GPAT4: variants seen among roughly 807,000 people sequenced by gnomAD.
GPAT4 encodes the protein 1-AGP acyltransferase 6.
GPAT4 carries 17 observed loss-of-function variants against 58.0 expected under a neutral mutation model. The observed-to-expected ratio is 0.29, with a 90% CI of 0.20 to 0.44. The LOEUF (loss-of-function observed/expected upper bound fraction) is 0.44, where lower values mean the gene tolerates loss of function less well. Ranked by LOEUF, GPAT4 falls within the 20% of genes least tolerant of loss-of-function variation. The pLI is 1.00. For synonymous variants in GPAT4, 204 were observed against 210.1 expected (o/e 0.97, Z 0.25); for missense variants, 377 against 574.5 (o/e 0.66, Z 3.51).
intron 2 of GPAT4, among the ~76,000 whole-genome samples, chr8:41,607,614 C>A (rs1490085674): frequency 4.0e-5 from 6 of 151,578 alleles, no homozygotes; most frequent in Non-Finnish European, 7.4e-5. Flanking sequence ...TCTCCGCTCA[C>A]TGCAGCCTCA....
intron 2 of GPAT4, 38 bp from the exon 3 acceptor site, chr8:41,609,378 C>T (rs1325464718): frequency 5.6e-6 from 9 of 1,594,410 alleles, no homozygotes; most frequent in South Asian, 1.1e-5. Context: ...AAACAGGTCT[C>T]ATTCTTGCTC....
intron 2 of GPAT4, among the ~76,000 whole-genome samples, chr8:41,600,204 A>T (rs1313771482): frequency 6.6e-6 from 1 of 150,672 alleles, no homozygotes; most frequent in African/African-American, 2.4e-5. Flanking sequence ...ACACCCGGCT[A>T]TTTTTTCGTA....
chr8:41,596,833 C>G (rs1802947110), intron 1 of GPAT4, among the ~76,000 whole-genome samples: 1 of 152,222 alleles, frequency 6.6e-6, no homozygotes, highest in Admixed American at 6.5e-5. Context: ...CTTTATTCAG[C>G]TGGGAGCATC....
At chr8:41,590,679 T>C (rs755377485) in intron 1 of GPAT4, among the ~76,000 whole-genome samples, 1 of 152,052 alleles carries the variant, frequency 6.6e-6, no homozygotes, top group Non-Finnish European at 1.5e-5. Context: ...AGTGACAGTG[T>C]GAAAGTGGAA....
chr8:41,602,823 C>G (rs1213324579), intron 2 of GPAT4, among the ~76,000 whole-genome samples: 2 of 152,164 alleles, frequency 1.3e-5, no homozygotes, highest in Non-Finnish European at 2.9e-5. Flanking sequence ...GTCCAGGCAC[C>G]AGCAGATTCA....
chr8:41,609,593 C>G, intron 3 of GPAT4, 62 bp from the exon 4 acceptor site: 1 of 1,602,758 alleles, frequency 6.2e-7, no homozygotes, highest in East Asian at 2.2e-5. Flanking sequence ...GATGTGTGCT[C>G]TGAGTATGTC....
At chr8:41,612,817 T>C in intron 7 of GPAT4, 28 bp from the exon 8 acceptor site, 1 of 1,597,748 alleles carries the variant, frequency 6.3e-7, no homozygotes, top group East Asian at 2.2e-5. Context: ...ATGGCTTCAC[T>C]ACTAATGAGT....
rs541700401 is a variant in GPAT4 at position 41,593,018 on chromosome 8, C to A, written c.-848-5274C>A. Among the ~76,000 whole-genome samples, 101 of 152,250 alleles carry A rather than the reference C, an allele frequency of 6.6e-4. 1 individual carries two copies. The highest frequency in any genetic ancestry group is 2.3e-3 in the African/African-American group (97 of 41,542). On this transcript the variant is annotated intron_variant, in intron 1 of 12. Coordinates refer to ENST00000396987, the MANE Select transcript of GPAT4 (RefSeq NM_178819.4). ...TATCCACATTCATTTCCACACAGTCCTAATTCATAACAAATATACTTACTT... is the reference window on the plus strand; with the variant it reads ...TATCCACATTCATTTCCACACAGTCATAATTCATAACAAATATACTTACTT...
At chr8:41,591,096 G>A (rs1802776836) in intron 1 of GPAT4, among the ~76,000 whole-genome samples, 1 of 152,088 alleles carries the variant, frequency 6.6e-6, no homozygotes. Flanking sequence ...AACTCTAAGG[G>A]GTTCCACGTG....
At chr8:41,603,251 G>A (rs977200867) in intron 2 of GPAT4, among the ~76,000 whole-genome samples, 8 of 152,158 alleles carry the variant, frequency 5.3e-5, no homozygotes, top group African/African-American at 1.7e-4. Context: ...CTGGGGCTGG[G>A]CGCAGTGGCT....
At chr8:41,582,948 C>T (rs36094256) in intron 1 of GPAT4, among the ~76,000 whole-genome samples, 67,474 of 151,800 alleles carry the variant, frequency 0.44, 15,185 homozygotes, top group Middle Eastern at 0.53. Context: ...ATTGGCCTGA[C>T]GTGGTGGCTC....
Position 41,621,210 on chromosome 8 carries a change from TG to T in GPAT4, c.*212del. 1.5e-6 allele frequency: 1 copy of T among 653,466 alleles called. No homozygotes were observed. Among genetic ancestry groups the T allele is most frequent in the Non-Finnish European group, 2.6e-6 (1 of 390,228 alleles). The allele number at this position is 653,466 out of a possible 1,614,324, so 40.5% of individuals were successfully genotyped here. A position where few individuals can be genotyped will look rare whatever the true frequency, so the allele number is the denominator to read the frequency against. On this transcript the variant is annotated 3_prime_UTR_variant, in exon 13 of 13. Transcript: ENST00000396987. ...CCTTGGTGGTCTAAACGGATGCTGC[TG>T]GGTGTTGCGACCCAGGACGAGATGC...
chr8:41,603,573 T>G (rs1250919771), intron 2 of GPAT4, among the ~76,000 whole-genome samples: 2 of 151,542 alleles, frequency 1.3e-5, no homozygotes, highest in African/African-American at 2.4e-5. Context: ...GAACCTGCTT[T>G]AACTGATCTG....
chr8:41,618,496 G>A (rs531421000), intron 10 of GPAT4, 188 bp from the exon 11 acceptor site: 2 of 704,748 alleles, frequency 2.8e-6, no homozygotes, highest in African/African-American at 1.8e-5. Flanking sequence ...GTTCCTCGGG[G>A]GAGATCAGTG....
chr8:41,610,296 TTGATCTTTCAGCTTCTCTGCACCA>T (rs1803404400), intron 4 of GPAT4: 1 of 1,228,722 alleles, frequency 8.1e-7, no homozygotes, highest in African/African-American at 1.5e-5. Context: ...AGGGGCAGTA[TTGATCTTTCAGCTTCTCTGCACCA>T]TGTGCTGCTC....
chr8:41,613,234 A>G lies in GPAT4; in HGVS notation c.911+274A>G, dbSNP rs556684902. The stretch of plus-strand genomic sequence containing the variant: ...CAACATGGTGAAAATACAAAATACT[A>G]AAAATGCAAAAATTATTGACGGGCA... On this transcript the variant is annotated intron_variant, in intron 8 of 12. Coordinates refer to ENST00000396987, the MANE Select transcript of GPAT4 (RefSeq NM_178819.4). 1.7e-4 allele frequency among the ~76,000 whole-genome samples: 26 copies of G among 152,100 alleles called. 1 individual carries two copies. Among genetic ancestry groups the G allele is most frequent in the Non-Finnish European group, 2.8e-4 (19 of 68,018 alleles).
chr8:41,595,644 G>A (rs1302203195), intron 1 of GPAT4, among the ~76,000 whole-genome samples: 9 of 151,998 alleles, frequency 5.9e-5, no homozygotes, highest in Non-Finnish European at 1.2e-4. Context: ...ATTTACCCTG[G>A]CTTTTAAAGG....
intron 1 of GPAT4, among the ~76,000 whole-genome samples, chr8:41,591,787 G>C (rs1289713162): frequency 6.6e-6 from 1 of 152,156 alleles, no homozygotes; most frequent in Admixed American, 6.5e-5. Context: ...TCAACTACTG[G>C]CCCTTGATCA....
intron 2 of GPAT4, among the ~76,000 whole-genome samples, chr8:41,608,840 A>G (rs1803356872): frequency 6.6e-6 from 1 of 151,886 alleles, no homozygotes; most frequent in Non-Finnish European, 1.5e-5. Flanking sequence ...TCGGTCTCCT[A>G]ATAGTGTTCT....
Sources: gnomAD v4.1 joint callset for allele counts (sites outside exome capture counted in the v4.1 genomes callset) on GRCh38, gnomAD v4.1.1 for gene constraint, MANE v1.5 for transcripts, NCBI Gene and HGNC (gene_info 2026-07-23, HGNC 2026-07-21) for gene names.